The following CLNK variants were observed in gnomAD, a reference collection of about 807,000 sequenced individuals.
CLNK encodes the protein cytokine-dependent hematopoietic cell linker.
In CLNK, 74 loss-of-function variants were observed where a neutral mutation model predicts 68.6. The ratio of observed to expected loss-of-function variants is 1.08; its 90% CI spans 0.89 to 1.31. The LOEUF (loss-of-function observed/expected upper bound fraction) is 1.31. Ranked by LOEUF, CLNK falls within the 50% of genes most tolerant of loss-of-function variation. CLNK has a pLI of 0.00. For synonymous variants in CLNK, 198 were observed against 172.2 expected, an observed-to-expected ratio of 1.15 and a Z score of -1.17; for missense variants, 553 against 515.3, an observed-to-expected ratio of 1.07 and a Z score of -0.71.
At chr4:10,540,472 C>A (rs1332898933) in intron 11 of CLNK, 22 bp downstream of exon 11, 1 of 1,542,390 alleles carries the variant, frequency 6.5e-7, no homozygotes, top group Non-Finnish European at 9.0e-7. Flanking sequence ...GGTCATTTCA[C>A]CATTGATGAT....
At chr4:10,701,507 C>T in the CLNK span, among the ~76,000 whole-genome samples, 1 of 152,176 alleles carries the variant, frequency 6.6e-6, no homozygotes, top group East Asian at 1.9e-4. Context: ...TCTCAAGGAG[C>T]CTGTTGTGCT....
At chr4:10,542,650 G>A (rs1719079297) in intron 8 of CLNK, among the ~76,000 whole-genome samples, 1 of 142,680 alleles carries the variant, frequency 7.0e-6, no homozygotes, top group South Asian at 2.4e-4. Context: ...GTGTGTGTGT[G>A]TGTGTATGTG....
At chr4:10,629,712 C>T (rs541409381) in intron 2 of CLNK, among the ~76,000 whole-genome samples, 3 of 151,902 alleles carry the variant, frequency 2.0e-5, no homozygotes, top group Non-Finnish European at 4.4e-5. Flanking sequence ...AAGACAATGT[C>T]TTGCAACTTA....
At chr4:10,630,435 C>G (rs563205988) in intron 2 of CLNK, among the ~76,000 whole-genome samples, 2 of 152,312 alleles carry the variant, frequency 1.3e-5, no homozygotes, top group South Asian at 4.1e-4. Context: ...GTCTAATGAG[C>G]CAGAAGCTCA....
intron 2 of CLNK, among the ~76,000 whole-genome samples, chr4:10,617,666 T>A (rs1186619208): frequency 6.6e-6 from 1 of 152,220 alleles, no homozygotes; most frequent in East Asian, 1.9e-4. Flanking sequence ...TTTTGAAGCT[T>A]ATGGTTTGAT....
chr4:10,513,916 G>A (rs1033380138), intron 15 of CLNK, among the ~76,000 whole-genome samples: 3 of 142,504 alleles, frequency 2.1e-5, no homozygotes, highest in African/African-American at 7.8e-5. Context: ...GTGCAGGTTA[G>A]TTACATATGT....
intron 4 of CLNK, 103 bp from the exon 5 acceptor site, chr4:10,571,881 TA>T: frequency 1.2e-6 from 1 of 846,232 alleles, no homozygotes; most frequent in South Asian, 1.5e-5. Context: ...TTGTCAGTTT[TA>T]ATTAACTTAC....
chr4:10,515,071 C>G (rs1024359162), intron 15 of CLNK, among the ~76,000 whole-genome samples: 1 of 152,130 alleles, frequency 6.6e-6, no homozygotes, highest in Non-Finnish European at 1.5e-5. Context: ...AACCCCGTCT[C>G]TACTAAAAAT....
chr4:10,726,507 C>T, the CLNK span, among the ~76,000 whole-genome samples: 1 of 152,142 alleles, frequency 6.6e-6, no homozygotes, highest in Non-Finnish European at 1.5e-5. Flanking sequence ...AGTATGCCCT[C>T]ATCTTAACTA....
intron 4 of CLNK, among the ~76,000 whole-genome samples, chr4:10,584,392 CT>C (rs1332818767): frequency 6.6e-6 from 1 of 152,178 alleles, no homozygotes; most frequent in Admixed American, 6.5e-5. Flanking sequence ...TTCTGTGGGA[CT>C]TTCCCTGAAA....
chr4:10,549,119 T>C (rs1373051590), intron 8 of CLNK, among the ~76,000 whole-genome samples: 1 of 152,230 alleles, frequency 6.6e-6, no homozygotes, highest in Non-Finnish European at 1.5e-5. Flanking sequence ...TTTTGTGTAG[T>C]ATAATATCGG....
At chr4:10,717,940 G>A in the CLNK span, among the ~76,000 whole-genome samples, 21 of 152,202 alleles carry the variant, frequency 1.4e-4, no homozygotes, top group Middle Eastern at 3.4e-3. Flanking sequence ...ATGCTTCAAT[G>A]AGCAATTACA....
the CLNK span, among the ~76,000 whole-genome samples, chr4:10,709,754 G>A: frequency 2.6e-5 from 4 of 152,234 alleles, no homozygotes; most frequent in Admixed American, 2.6e-4. Context: ...TTAGAACCCT[G>A]TTAAGTAACC....
intron 15 of CLNK, among the ~76,000 whole-genome samples, chr4:10,516,108 A>G (rs1717825166): frequency 6.6e-6 from 1 of 152,138 alleles, no homozygotes; most frequent in Non-Finnish European, 1.5e-5. Context: ...AGTGAAGTAT[A>G]AGGAGGAATA....
Position 10,501,245 on chromosome 4 carries a change from G to A in CLNK, c.1140+11C>T, listed in dbSNP as rs1417955689. On this transcript the variant is annotated intron_variant, in intron 18 of 18. Coordinates refer to ENST00000226951, the MANE Select transcript of CLNK (RefSeq NM_052964.4). ...TAGCCTGGAACAGGGAGGCTGTTAA[G>A]TTATACCCACCTCATCTCCTCTGAG... 2 of 1,556,252 alleles carry A rather than the reference G, an allele frequency of 1.3e-6. No individual in the cohort carries two copies. Among genetic ancestry groups the A allele is most frequent in the African/African-American group, 1.4e-5 (1 of 71,096 alleles).
intron 2 of CLNK, among the ~76,000 whole-genome samples, chr4:10,666,525 C>T (rs988001850): frequency 5.9e-5 from 9 of 152,326 alleles, no homozygotes; most frequent in African/African-American, 2.2e-4. Flanking sequence ...GAGCACTGAA[C>T]TGGGAGTCAG....
upstream of CLNK, among the ~76,000 whole-genome samples, chr4:10,689,428 C>T (rs910067155): frequency 1.3e-5 from 2 of 152,152 alleles, no homozygotes; most frequent in African/African-American, 4.8e-5. Context: ...AGCCACTACA[C>T]CCTGTCCTTT....
At chr4:10,637,524 A>G (rs1003456644) in intron 2 of CLNK, among the ~76,000 whole-genome samples, 9 of 144,642 alleles carry the variant, frequency 6.2e-5, no homozygotes, top group African/African-American at 2.1e-4. Flanking sequence ...CATTAGAATC[A>G]CATGTATGTC....
At chr4:10,713,794 G>A in the CLNK span, among the ~76,000 whole-genome samples, 1 of 152,210 alleles carries the variant, frequency 6.6e-6, no homozygotes, top group South Asian at 2.1e-4. Flanking sequence ...CTCATCATGT[G>A]ACAACCAAGC....
Sources: gnomAD v4.1 joint callset for allele counts (sites outside exome capture counted in the v4.1 genomes callset) on GRCh38, gnomAD v4.1.1 for gene constraint, MANE v1.5 for transcripts, NCBI Gene and HGNC (gene_info 2026-07-23, HGNC 2026-07-21) for gene names.